Variants in STIM2 observed in about 807,000 individuals in gnomAD.
STIM2 encodes the protein stromal interaction molecule 2.
STIM2 carries 31 observed loss-of-function variants against 85.8 expected under a neutral mutation model. The ratio of observed to expected loss-of-function variants is 0.36; its 90% CI spans 0.27 to 0.49. The LOEUF (loss-of-function observed/expected upper bound fraction) is 0.49, where lower values mean the gene tolerates loss of function less well. STIM2 is among the 20% of genes least tolerant of loss of function. The pLI, the probability that STIM2 is intolerant of heterozygous loss-of-function variation, is 0.98. For synonymous variants in STIM2, 356 were observed against 331.1 expected, an observed-to-expected ratio of 1.08 and a Z score of -0.82; for missense variants, 841 against 927.6, an observed-to-expected ratio of 0.91 and a Z score of 1.21.
At chr4:26,880,104 G>A (rs544399433) in intron 1 of STIM2, among the ~76,000 whole-genome samples, 7 of 152,298 alleles carry the variant, frequency 4.6e-5, no homozygotes, top group African/African-American at 1.7e-4. Flanking sequence ...ATGCTGGCCT[G>A]CAAATTGCTG....
At chr4:26,869,052 T>C (rs1463576079) in intron 1 of STIM2, among the ~76,000 whole-genome samples, 1 of 152,128 alleles carries the variant, frequency 6.6e-6, no homozygotes, top group Non-Finnish European at 1.5e-5. Context: ...CCCAGCACTT[T>C]TCGAGGCCAA....
intron 3 of STIM2, among the ~76,000 whole-genome samples, chr4:26,963,747 G>A (rs1389821967): frequency 2.0e-5 from 3 of 152,128 alleles, no homozygotes; most frequent in Non-Finnish European, 4.4e-5. Context: ...TCTTCAACAA[G>A]ACTTTGAAAG....
chr4:26,978,324 T>G lies in STIM2; in HGVS notation c.398-17055T>G, dbSNP rs1443948883. On this transcript the variant is annotated intron_variant, in intron 3 of 11. Coordinates refer to ENST00000467087, the MANE Select transcript of STIM2 (RefSeq NM_020860.4). Reference sequence around the variant, plus strand: ...ATAAATCTATATATATGAATATATATTATATATATATGGAATGACCCAGTT... The same window carrying G: ...ATAAATCTATATATATGAATATATAGTATATATATATGGAATGACCCAGTT... 1.3e-5 allele frequency among the ~76,000 whole-genome samples: 2 copies of G among 148,322 alleles called. 1 individual carries two copies. Among genetic ancestry groups the G allele is most frequent in the Non-Finnish European group, 3.0e-5 (2 of 67,288 alleles).
At chr4:26,975,524 T>A (rs760458151) in intron 3 of STIM2, among the ~76,000 whole-genome samples, 4 of 152,206 alleles carry the variant, frequency 2.6e-5, no homozygotes, top group Non-Finnish European at 5.9e-5. Flanking sequence ...TTGCTGCAGT[T>A]CCATTCCAGA....
intron 1 of STIM2, among the ~76,000 whole-genome samples, chr4:26,891,831 G>A (rs923285182): frequency 1.3e-5 from 2 of 152,154 alleles, no homozygotes; most frequent in African/African-American, 2.4e-5. Context: ...AAATTTCACC[G>A]AGGTGGAAGG....
chr4:26,878,038 A>G (rs544287274), intron 1 of STIM2, among the ~76,000 whole-genome samples: 100 of 152,350 alleles, frequency 6.6e-4, no homozygotes, highest in African/African-American at 2.4e-3. Flanking sequence ...CAGTGAGGAA[A>G]TATAAATGGA....
intron 2 of STIM2, among the ~76,000 whole-genome samples, chr4:26,945,855 G>T (rs1174862821): frequency 2.6e-5 from 4 of 151,704 alleles, no homozygotes; most frequent in Non-Finnish European, 5.9e-5. Context: ...ACTCAGTGTT[G>T]CTGTGAACTT....
At chr4:26,938,082 G>T (rs1440748870) in intron 2 of STIM2, among the ~76,000 whole-genome samples, 1 of 151,040 alleles carries the variant, frequency 6.6e-6, no homozygotes, top group Non-Finnish European at 1.5e-5. Flanking sequence ...AATTTTAAAA[G>T]AAAAATAGCT....
At chr4:27,003,642 A>G (rs1728234059) in intron 7 of STIM2, among the ~76,000 whole-genome samples, 1 of 152,120 alleles carries the variant, frequency 6.6e-6, no homozygotes, top group Non-Finnish European at 1.5e-5. Flanking sequence ...GAATTTAATT[A>G]TAGACAGATG....
At chr4:26,957,288 C>T (rs571195652) in intron 2 of STIM2, among the ~76,000 whole-genome samples, 26 of 152,242 alleles carry the variant, frequency 1.7e-4, no homozygotes, top group African/African-American at 4.8e-4. Flanking sequence ...TTCAATCCCA[C>T]GAATACTGAA....
intron 3 of STIM2, among the ~76,000 whole-genome samples, chr4:26,966,848 G>T (rs1246364034): frequency 2.6e-5 from 4 of 152,052 alleles, no homozygotes; most frequent in Admixed American, 2.6e-4. Context: ...GCATAGAATA[G>T]AACAAATAAA....
At chr4:26,934,913 CAAAAAAAAAA>C (rs1160656482) in intron 2 of STIM2, among the ~76,000 whole-genome samples, 2 of 57,614 alleles carry the variant, frequency 3.5e-5, no homozygotes, top group South Asian at 1.4e-3. Context: ...AACTCCATCT[CAAAAAAAAAA>C]AAAAAAAAAA....
chr4:26,897,360 A>T (rs901488384), intron 1 of STIM2, among the ~76,000 whole-genome samples: 3 of 152,140 alleles, frequency 2.0e-5, no homozygotes, highest in African/African-American at 7.2e-5. Flanking sequence ...TCATAATTTG[A>T]ATTTCCCTAA....
chr4:26,959,674 G>A (rs1439690490), intron 3 of STIM2, among the ~76,000 whole-genome samples: 1 of 151,188 alleles, frequency 6.6e-6, no homozygotes, highest in African/African-American at 2.4e-5. Flanking sequence ...TGACTTTGGT[G>A]AGATCTTTTG....
chr4:26,921,461 G>A (rs1445282839), intron 2 of STIM2, among the ~76,000 whole-genome samples: 1 of 152,198 alleles, frequency 6.6e-6, no homozygotes, highest in Non-Finnish European at 1.5e-5. Flanking sequence ...AGTTGCTGTT[G>A]TAACTATTCA....
At chr4:27,012,260 C>A (rs1728583533) in intron 10 of STIM2, among the ~76,000 whole-genome samples, 1 of 152,046 alleles carries the variant, frequency 6.6e-6, no homozygotes, top group South Asian at 2.1e-4. Flanking sequence ...CTACCCTTAA[C>A]TAATCTTCTG....
intron 5 of STIM2, among the ~76,000 whole-genome samples, chr4:27,000,051 TG>T (rs1179590543): frequency 1.0e-4 from 14 of 137,904 alleles, no homozygotes; most frequent in Non-Finnish European, 1.8e-4. Flanking sequence ...AAAGGAATTA[TG>T]TTTTTTTTTT....
Position 26,860,873 on chromosome 4 carries a change from A to T in STIM2, c.-346A>T, listed in dbSNP as rs1722137215. The T allele has an allele frequency of 7.8e-6, 7 of 896,190 alleles. No homozygotes were observed. The highest frequency in any genetic ancestry group is 9.5e-6 in the Non-Finnish European group (7 of 734,758). The allele number at this position is 896,190 out of a possible 1,614,324, so 55.5% of individuals were successfully genotyped here. A position where few individuals can be genotyped will look rare whatever the true frequency, so the allele number is the denominator to read the frequency against. On this transcript the variant is annotated 5_prime_UTR_variant, in exon 1 of 12. Coordinates refer to ENST00000467087, the MANE Select transcript of STIM2 (RefSeq NM_020860.4). ...CGGATCCCGGTCTCGCCGCAGCAGCAGCGCGGGTGTCGTGCACCGCCTGAA... is the reference window on the plus strand; with the variant it reads ...CGGATCCCGGTCTCGCCGCAGCAGCTGCGCGGGTGTCGTGCACCGCCTGAA...
At chr4:26,892,658 T>G (rs934672188) in intron 1 of STIM2, among the ~76,000 whole-genome samples, 5 of 152,162 alleles carry the variant, frequency 3.3e-5, no homozygotes, top group African/African-American at 7.2e-5. Context: ...CTAGGTCCAA[T>G]TAGCATAAGG....
Sources: allele counts gnomAD v4.1 joint callset (sites outside exome capture counted in the v4.1 genomes callset), GRCh38; gene constraint gnomAD v4.1.1; transcripts MANE v1.5; gene names NCBI Gene and HGNC (gene_info 2026-07-23, HGNC 2026-07-21).